Variants in BCAR3 observed in about 807,000 individuals in gnomAD.
BCAR3 encodes the protein BCAR3 adaptor protein, NSP family member.
In BCAR3, 37 loss-of-function variants were observed where a neutral mutation model predicts 80.1. The ratio of observed to expected loss-of-function variants is 0.46; its 90% confidence interval spans 0.36 to 0.61. The LOEUF is 0.61. Among genes scored for constraint, BCAR3 ranks in the 20% least tolerant of loss-of-function variants. The pLI is 0.00. For synonymous variants in BCAR3, 389 were observed against 418.9 expected (o/e 0.93, Z 0.87); for missense variants, 978 against 1,068.2 (o/e 0.92, Z 1.18).
chr1:93,779,733 G>A (rs1000705547), intron 2 of BCAR3, among the ~76,000 whole-genome samples: 2 of 152,122 alleles, frequency 1.3e-5, no homozygotes, highest in Non-Finnish European at 2.9e-5. Context: ...AACAATGCAC[G>A]TACTCCTGGA....
intron 2 of BCAR3, among the ~76,000 whole-genome samples, chr1:93,831,308 C>A (rs750117575): frequency 2.0e-5 from 3 of 152,106 alleles, no homozygotes; most frequent in Admixed American, 6.5e-5. Flanking sequence ...CCTCCATTCC[C>A]CCTTCTTCTC....
chr1:93,819,216 G>A (rs1571149189), intron 2 of BCAR3, among the ~76,000 whole-genome samples: 1 of 152,130 alleles, frequency 6.6e-6, no homozygotes, highest in African/African-American at 2.4e-5. Context: ...ACAGGCGTGT[G>A]CTGCCACACC....
At chr1:93,583,300 C>T (rs897689230) in intron 6 of BCAR3, among the ~76,000 whole-genome samples, 1 of 152,016 alleles carries the variant, frequency 6.6e-6, no homozygotes, top group Non-Finnish European at 1.5e-5. Flanking sequence ...GTAATCTTGC[C>T]CTAAGAAACA....
At chr1:93,707,288 G>A (rs1649859360) in intron 2 of BCAR3, among the ~76,000 whole-genome samples, 1 of 152,110 alleles carries the variant, frequency 6.6e-6, no homozygotes, top group African/African-American at 2.4e-5. Context: ...ACACCAAAGA[G>A]TGTTTCTCTG....
At chr1:93,673,802 GCATGCTGA>G (rs1648333016) in intron 2 of BCAR3, among the ~76,000 whole-genome samples, 1 of 152,180 alleles carries the variant, frequency 6.6e-6, no homozygotes, top group Admixed American at 6.5e-5. Flanking sequence ...TTTTATTTCA[GCATGCTGA>G]CAACTAAATA....
intron 3 of BCAR3, among the ~76,000 whole-genome samples, chr1:93,704,339 G>A (rs1356238826): frequency 2.0e-5 from 3 of 151,988 alleles, no homozygotes; most frequent in Non-Finnish European, 4.4e-5. Context: ...AGGTGGGGGT[G>A]GGGAAAGTAG....
intron 2 of BCAR3, among the ~76,000 whole-genome samples, chr1:93,813,353 A>G (rs1368950254): frequency 2.0e-5 from 3 of 152,160 alleles, no homozygotes; most frequent in African/African-American, 7.2e-5. Flanking sequence ...TACTAAAAAG[A>G]GGCCTCACCT....
chr1:93,757,892 T>C (rs57108173), intron 2 of BCAR3, among the ~76,000 whole-genome samples: 4,681 of 152,238 alleles, frequency 0.031, 270 homozygotes, highest in African/African-American at 0.11. Context: ...TTGGGAACAA[T>C]ACCCATGAGG....
At chr1:93,583,104 C>T (rs1028145730) in intron 6 of BCAR3, 151 bp from the exon 7 acceptor site, 103 of 970,446 alleles carry the variant, frequency 1.1e-4, no homozygotes, top group Non-Finnish European at 1.3e-4. Context: ...GTGTGACTGT[C>T]CCACGCCCAA....
chr1:93,799,029 G>A (rs1236644346), intron 2 of BCAR3, among the ~76,000 whole-genome samples: 1 of 152,186 alleles, frequency 6.6e-6, no homozygotes, highest in Admixed American at 6.5e-5. Flanking sequence ...TATTGTGTAT[G>A]ATGTGAATTC....
At position 93,583,046 on chromosome 1, in the gene BCAR3, C is replaced by T. The variant is rs1014738197; in HGVS notation, c.1034-93G>A. On this transcript the variant is annotated intron_variant, in intron 6 of 11. Transcript: ENST00000260502. Reference sequence around the variant, plus strand: ...AGTGGCAGCTCCCCAGCCCTCCATTCATGCCCTTGGGCTTCAATTTTCATT... The same window carrying T: ...AGTGGCAGCTCCCCAGCCCTCCATTTATGCCCTTGGGCTTCAATTTTCATT... 7.3e-6 allele frequency: 10 copies of T among 1,376,608 alleles called. No homozygotes were observed. In the African/African-American group the frequency reaches 1.4e-4, roughly 20 times the overall value. The allele number at this position is 1,376,608 out of a possible 1,614,324, so 85.3% of individuals were successfully genotyped here. A position where few individuals can be genotyped will look rare whatever the true frequency, so the allele number is the denominator to read the frequency against.
chr1:93,642,026 C>T (rs1234647872), intron 3 of BCAR3, among the ~76,000 whole-genome samples: 1 of 152,126 alleles, frequency 6.6e-6, no homozygotes, highest in Non-Finnish European at 1.5e-5. Context: ...TATTACTATA[C>T]GTACCATATT....
intron 2 of BCAR3, among the ~76,000 whole-genome samples, chr1:93,797,282 CTTCTGAAAGAGTATGCTTTTTA>C (rs1653311181): frequency 6.6e-6 from 1 of 152,174 alleles, no homozygotes; most frequent in African/African-American, 2.4e-5. Flanking sequence ...CCTCACTTTC[CTTCTGAAAGAGTATGCTTTTTA>C]TTCTACTTAG....
chr1:93,826,270 A>ACC (rs1329354569), intron 2 of BCAR3, among the ~76,000 whole-genome samples: 1 of 152,036 alleles, frequency 6.6e-6, no homozygotes, highest in Non-Finnish European at 1.5e-5. Flanking sequence ...CACCAGGCCC[A>ACC]CCACCTCCTG....
At chr1:93,785,657 T>G (rs1260588014) in intron 2 of BCAR3, among the ~76,000 whole-genome samples, 2 of 152,354 alleles carry the variant, frequency 1.3e-5, no homozygotes, top group East Asian at 3.9e-4. Context: ...TCATTAATGC[T>G]TTTAAGAAAA....
intron 2 of BCAR3, among the ~76,000 whole-genome samples, chr1:93,767,962 C>T (rs1381072074): frequency 1.4e-5 from 2 of 146,232 alleles, no homozygotes; most frequent in African/African-American, 5.4e-5. Context: ...TAGTGGAAAA[C>T]ATCATCTATC....
chr1:93,604,836 T>C (rs1674728771), intron 3 of BCAR3, among the ~76,000 whole-genome samples: 1 of 152,248 alleles, frequency 6.6e-6, no homozygotes, highest in South Asian at 2.1e-4. Context: ...GTGGCTTCTT[T>C]TCTTCACTAA....
chr1:93,764,627 G>A (rs542892108), intron 2 of BCAR3, among the ~76,000 whole-genome samples: 7 of 152,106 alleles, frequency 4.6e-5, no homozygotes, highest in Admixed American at 6.5e-5. Flanking sequence ...TCCCCACATC[G>A]CTACCAGGAG....
At chr1:93,727,677 G>T (rs1302507913) in intron 2 of BCAR3, among the ~76,000 whole-genome samples, 5 of 152,056 alleles carry the variant, frequency 3.3e-5, no homozygotes, top group Admixed American at 3.3e-4. Context: ...ACAAAATTTG[G>T]AATAAACAAA....
Sources: gnomAD v4.1 joint callset for allele counts (sites outside exome capture counted in the v4.1 genomes callset) on GRCh38, gnomAD v4.1.1 for gene constraint, MANE v1.5 for transcripts, NCBI Gene and HGNC (gene_info 2026-07-23, HGNC 2026-07-21) for gene names.